FHOD3: variants seen among roughly 807,000 people sequenced by gnomAD.
The protein encoded by FHOD3 is FH1/FH2 domain-containing protein 3.
A neutral mutation model predicts 173.0 loss-of-function variants in FHOD3; 90 were observed. That is an observed-to-expected ratio of 0.52 (90% CI 0.44 to 0.62). The LOEUF is 0.62. FHOD3 is among the 20% of genes least tolerant of loss of function. The pLI is 0.00. For synonymous variants in FHOD3, 828 were observed against 823.0 expected, an observed-to-expected ratio of 1.01 and a Z score of -0.10; for missense variants, 1,945 against 2,034.7, an observed-to-expected ratio of 0.96 and a Z score of 0.85.
At chr18:36,409,313 T>C (rs112390739) in intron 3 of FHOD3, among the ~76,000 whole-genome samples, 212 of 152,330 alleles carry the variant, frequency 1.4e-3, no homozygotes, top group African/African-American at 4.6e-3. Flanking sequence ...CTAAGACTGA[T>C]AGCACAGTCT....
At chr18:36,671,918 G>A (rs941882218) in intron 14 of FHOD3, among the ~76,000 whole-genome samples, 6 of 152,178 alleles carry the variant, frequency 3.9e-5, no homozygotes, top group South Asian at 2.1e-4. Context: ...ACGATGTGCC[G>A]AAAGGACACA....
At chr18:36,644,200 C>G (rs558272775) in intron 10 of FHOD3, among the ~76,000 whole-genome samples, 7 of 152,130 alleles carry the variant, frequency 4.6e-5, no homozygotes, top group Non-Finnish European at 1.0e-4. Context: ...CAATCACAAG[C>G]AAAAGACCTG....
intron 5 of FHOD3, among the ~76,000 whole-genome samples, chr18:36,517,814 T>G (rs2056072849): frequency 6.6e-6 from 1 of 152,230 alleles, no homozygotes; most frequent in African/African-American, 2.4e-5. Flanking sequence ...TTTGATATTT[T>G]TTTAAAAATG....
intron 10 of FHOD3, 78 bp from the exon 11 acceptor site, chr18:36,649,238 C>T: frequency 3.3e-6 from 3 of 902,688 alleles, no homozygotes; most frequent in Non-Finnish European, 3.3e-6. Context: ...TTTGCTTCAT[C>T]TTCCTGTTTG....
At chr18:36,447,720 C>A (rs6507170) in intron 3 of FHOD3, among the ~76,000 whole-genome samples, 38,680 of 152,126 alleles carry the variant, frequency 0.25, 5,901 homozygotes, top group East Asian at 0.56. Context: ...TGAAAGCAAC[C>A]GTAATGTTTA....
At chr18:36,742,911 C>T (rs2041972158) in intron 22 of FHOD3, 55 bp downstream of exon 22, 3 of 1,574,872 alleles carry the variant, frequency 1.9e-6, no homozygotes, top group Non-Finnish European at 2.6e-6. Flanking sequence ...AAATCCCTGC[C>T]CAGCAATTGC....
At chr18:36,641,182 G>A (rs2035280497) in intron 10 of FHOD3, among the ~76,000 whole-genome samples, 2 of 152,176 alleles carry the variant, frequency 1.3e-5, no homozygotes, top group South Asian at 4.1e-4. Context: ...CTCTGGGCAG[G>A]GTCTCCTGGA....
intron 19 of FHOD3, among the ~76,000 whole-genome samples, chr18:36,720,232 A>T (rs1296912630): frequency 1.6e-5 from 2 of 121,628 alleles, no homozygotes; most frequent in African/African-American, 3.2e-5. Flanking sequence ...GCCCCGTTCC[A>T]ATTCTTTTTT....
chr18:36,411,249 A>T (rs1326830528), intron 3 of FHOD3, among the ~76,000 whole-genome samples: 1 of 152,186 alleles, frequency 6.6e-6, no homozygotes, highest in Non-Finnish European at 1.5e-5. Context: ...ATTTGTTGAA[A>T]AGACCATCCT....
At chr18:36,604,553 G>A (rs1393294577) in intron 8 of FHOD3, among the ~76,000 whole-genome samples, 1 of 152,024 alleles carries the variant, frequency 6.6e-6, no homozygotes, top group African/African-American at 2.4e-5. Context: ...TGATTGGAGA[G>A]GTGTTGTTAA....
At chr18:36,426,268 T>A (rs2050239280) in intron 3 of FHOD3, among the ~76,000 whole-genome samples, 2 of 152,126 alleles carry the variant, frequency 1.3e-5, no homozygotes. Context: ...ATTTTTCTCA[T>A]CTTTCAAATA....
intron 3 of FHOD3, among the ~76,000 whole-genome samples, chr18:36,461,071 C>CG (rs1362389769): frequency 6.6e-6 from 1 of 152,124 alleles, no homozygotes; most frequent in Non-Finnish European, 1.5e-5. Context: ...GAATAGCTCA[C>CG]GGCAGGGGAT....
intron 17 of FHOD3, among the ~76,000 whole-genome samples, chr18:36,700,296 C>T (rs1480378894): frequency 6.6e-6 from 1 of 152,134 alleles, no homozygotes; most frequent in Admixed American, 6.5e-5. Context: ...ACTAAATGCC[C>T]CTCCAACTCT....
At chr18:36,613,951 G>A (rs1356449709) in intron 9 of FHOD3, among the ~76,000 whole-genome samples, 26 of 152,174 alleles carry the variant, frequency 1.7e-4, no homozygotes, top group Admixed American at 1.6e-3. Flanking sequence ...GGGATTACAA[G>A]TGTGAGCCAC....
intron 27 of FHOD3, among the ~76,000 whole-genome samples, chr18:36,763,156 G>C (rs1157881387): frequency 7.1e-6 from 1 of 140,034 alleles, no homozygotes; most frequent in Non-Finnish European, 1.5e-5. Flanking sequence ...TATTATACAC[G>C]TTATATATAT....
chr18:36,324,482 T>C lies in FHOD3; in HGVS notation c.165+26482T>C, dbSNP rs145395827. ...AAGATATTTATGTGTTATCTCTCTT[T>C]GTGTGTGTAAATATTCAATAAAGGA... On this transcript the variant is annotated intron_variant, in intron 1 of 28. Transcript: ENST00000590592. Among the ~76,000 whole-genome samples, 1,315 of 152,292 alleles carry C rather than the reference T, an allele frequency of 8.6e-3. 21 individuals are homozygous for C. The highest frequency in any genetic ancestry group is 0.03 in the African/African-American group (1,246 of 41,556).
intron 10 of FHOD3, among the ~76,000 whole-genome samples, chr18:36,638,253 C>T (rs1568531780): frequency 1.3e-5 from 2 of 152,130 alleles, no homozygotes; most frequent in Admixed American, 6.5e-5. Flanking sequence ...GAAGAGCTCC[C>T]CAGGCCAAGG....
Position 36,702,220 on chromosome 18 carries a change from T to A in FHOD3, c.2237-6875T>A, listed in dbSNP as rs918854610. Among the ~76,000 whole-genome samples, 4 of 152,096 alleles carry A rather than the reference T, an allele frequency of 2.6e-5. No individual in the cohort carries two copies. In the South Asian group the frequency reaches 8.3e-4, roughly 32 times the overall value. On this transcript the variant is annotated intron_variant, in intron 17 of 28. Transcript: ENST00000590592. Reference sequence around the variant, plus strand: ...ACAATAGCAGAGGAGAAGTGGAAGGTTGGTGCTGAAGCCTCTAGTGAGTAG... The same window carrying A: ...ACAATAGCAGAGGAGAAGTGGAAGGATGGTGCTGAAGCCTCTAGTGAGTAG...
intron 3 of FHOD3, among the ~76,000 whole-genome samples, chr18:36,465,684 A>G (rs2052874777): frequency 6.6e-6 from 1 of 152,090 alleles, no homozygotes; most frequent in Non-Finnish European, 1.5e-5. Flanking sequence ...AAGGATCCTA[A>G]GTAGGTTTTC....
Sources: allele counts gnomAD v4.1 joint callset (sites outside exome capture counted in the v4.1 genomes callset), GRCh38; gene constraint gnomAD v4.1.1; transcripts MANE v1.5; gene names NCBI Gene and HGNC (gene_info 2026-07-23, HGNC 2026-07-21).